Variants in DEFB123 observed in about 807,000 individuals in gnomAD.
DEFB123 encodes the protein beta-defensin 123.
For missense variants in DEFB123, 71 were observed against 75.0 expected, an observed-to-expected ratio of 0.95 and a Z score of 0.20; for synonymous variants, 22 against 28.3, an observed-to-expected ratio of 0.78 and a Z score of 0.71.
intron 1 of DEFB123, among the ~76,000 whole-genome samples, chr20:31,443,657 A>C (rs1388424585): frequency 6.6e-6 from 1 of 152,222 alleles, no homozygotes; most frequent in African/African-American, 2.4e-5. Context: ...AGCAGGAGAC[A>C]CACGAAAGGC....
At chr20:31,444,573 A>G (rs1436348123) in intron 1 of DEFB123, among the ~76,000 whole-genome samples, 5 of 152,226 alleles carry the variant, frequency 3.3e-5, no homozygotes, top group African/African-American at 9.6e-5. Context: ...TAGGCTCCAC[A>G]GATGCTAAAA....
chr20:31,448,106 A>G (rs1238935961), intron 1 of DEFB123, among the ~76,000 whole-genome samples: 3 of 151,204 alleles, frequency 2.0e-5, no homozygotes, highest in Admixed American at 2.0e-4. Flanking sequence ...ATTTTTTTGG[A>G]GAGACAGGGT....
At chr20:31,443,884 C>A (rs1157014084) in intron 1 of DEFB123, among the ~76,000 whole-genome samples, 2 of 152,184 alleles carry the variant, frequency 1.3e-5, no homozygotes, top group African/African-American at 4.8e-5. Context: ...GGACCCTCAG[C>A]CTTAGCCTCC....
intron 1 of DEFB123, among the ~76,000 whole-genome samples, chr20:31,448,814 C>T (rs994939998): frequency 8.6e-5 from 13 of 151,734 alleles, no homozygotes; most frequent in Non-Finnish European, 1.9e-4. Context: ...CAGGTTCAAG[C>T]GATTCTCCTG....
At chr20:31,449,473 G>T (rs921013619) in intron 1 of DEFB123, among the ~76,000 whole-genome samples, 3 of 152,120 alleles carry the variant, frequency 2.0e-5, no homozygotes, top group African/African-American at 7.2e-5. Flanking sequence ...ACTCAGGCAG[G>T]TGGAAACACA....
intron 1 of DEFB123, among the ~76,000 whole-genome samples, chr20:31,449,461 C>T (rs566049834): frequency 2.0e-4 from 30 of 152,062 alleles, no homozygotes; most frequent in Non-Finnish European, 4.0e-4. Flanking sequence ...CAGGGTCTTT[C>T]CACTCAGGCA....
chr20:31,450,189 G>A lies in DEFB123; in HGVS notation c.*15G>A, dbSNP rs769336363. On this transcript the variant is annotated 3_prime_UTR_variant, in exon 2 of 2. Transcript: ENST00000376309. ...GGCCATTTTAACTGCTTTGAAGCCT[G>A]AAGCCATGAAAATGCAGATGAAGCT... The A allele has an allele frequency of 1.3e-6, 2 of 1,591,524 alleles. No homozygotes were observed. Among genetic ancestry groups the A allele is most frequent in the Non-Finnish European group, 8.5e-7 (1 of 1,171,712 alleles).
rs1600555458 is a variant in DEFB123, at chr20:31,450,082, A to G, written c.112A>G (p.Lys38Glu). Reference protein sequence around the residue: ...LYGKCRYRCSKKERVYVYCIN... With the variant: ...LYGKCRYRCSEKERVYVYCIN... ...TGGCAAATGCCGTTACAGATGCTCC[A>G]AGAAGGAAAGAGTCTATGTTTACTG... is the stretch of plus-strand genomic sequence containing the variant. The change falls in exon 2 of 2, where the codon AAG (lysine) becomes GAG (glutamate). Residue 38 changes from lysine (K) to glutamate (E), a missense_variant. By Grantham distance (56) the Lys-to-Glu change is moderately conservative. Coordinates refer to ENST00000376309, the MANE Select transcript of DEFB123 (RefSeq NM_153324.4). 1 of 1,612,816 alleles carries G rather than the reference A, an allele frequency of 6.2e-7. No individual in the cohort carries two copies.
chr20:31,441,447 G>A (rs140154464), intron 1 of DEFB123, among the ~76,000 whole-genome samples: 7 of 152,290 alleles, frequency 4.6e-5, no homozygotes, highest in East Asian at 3.9e-4. Flanking sequence ...GGTTGGATGC[G>A]GGAGAGAGCA....
chr20:31,447,880 G>A (rs967930880), intron 1 of DEFB123, among the ~76,000 whole-genome samples: 13 of 137,180 alleles, frequency 9.5e-5, no homozygotes, highest in Non-Finnish European at 9.1e-5. Flanking sequence ...TCTGCCTCCC[G>A]GGTTCACGCC....
chr20:31,448,741 C>T (rs867827430), intron 1 of DEFB123, among the ~76,000 whole-genome samples: 4 of 151,940 alleles, frequency 2.6e-5, no homozygotes, highest in Middle Eastern at 3.4e-3. Context: ...GACAGAGTTT[C>T]GCTCTTGTTG....
At chr20:31,447,012 C>G (rs539207735) in intron 1 of DEFB123, among the ~76,000 whole-genome samples, 1 of 150,590 alleles carries the variant, frequency 6.6e-6, no homozygotes, top group South Asian at 2.1e-4. Flanking sequence ...CCTGTAATCC[C>G]AGCACTTTGG....
chr20:31,450,131 T>C lies in DEFB123; in HGVS notation c.161T>C (p.Val54Ala). Residue 54 changes from valine (V) to alanine (A), a missense_variant, in exon 2 of 2, where the codon GTG becomes GCG. Physicochemically the swap from Val to Ala is moderately conservative, Grantham distance 64 (BLOSUM62 0). Coordinates refer to ENST00000376309, the MANE Select transcript of DEFB123 (RefSeq NM_153324.4). ...VYCINNKMCC[V>A]KPKYQPKERW... ...TGCATAAATAATAAAATGTGCTGCG[T>C]GAAGCCCAAGTACCAGCCAAAAGAA... is the stretch of plus-strand genomic sequence containing the variant. 2 of 1,611,998 alleles carry C rather than the reference T, an allele frequency of 1.2e-6. No homozygotes were observed. Among genetic ancestry groups the C allele is most frequent in the Non-Finnish European group, 1.7e-6 (2 of 1,179,166 alleles).
intron 1 of DEFB123, among the ~76,000 whole-genome samples, chr20:31,442,588 G>T (rs184511663): frequency 1.4e-5 from 2 of 147,036 alleles, no homozygotes; most frequent in Admixed American, 6.8e-5. Flanking sequence ...GAAGGGGAAG[G>T]TCATTTGCTT....
intron 1 of DEFB123, among the ~76,000 whole-genome samples, chr20:31,443,948 G>A (rs948318969): frequency 2.6e-5 from 4 of 152,144 alleles, no homozygotes; most frequent in Non-Finnish European, 4.4e-5. Context: ...ATCTAATAAT[G>A]TATAAAGGAG....
intron 1 of DEFB123, among the ~76,000 whole-genome samples, chr20:31,448,860 T>G (rs1390231920): frequency 6.6e-6 from 1 of 150,712 alleles, no homozygotes; most frequent in African/African-American, 2.4e-5. Flanking sequence ...TACAGGCATG[T>G]GCCACCACGC....
At position 31,450,161 on chromosome 20, in the gene DEFB123, G is replaced by C. The variant is rs376954599; in HGVS notation, c.191G>C (p.Trp64Ser). 166 of 1,603,834 alleles carry C rather than the reference G, an allele frequency of 1.0e-4. No homozygotes were observed. The highest frequency in any genetic ancestry group is 1.4e-4 in the Non-Finnish European group (163 of 1,176,422). ...VKPKYQPKER[W>S]WPF is the part of the protein sequence containing the mutation. ...CCCAAGTACCAGCCAAAAGAAAGGT[G>C]GTGGCCATTTTAACTGCTTTGAAGC... The change falls in exon 2 of 2, where the codon TGG becomes TCG. Residue 64 changes from tryptophan (W) to serine (S), a missense_variant. Physicochemically the swap from Trp to Ser is radical, Grantham distance 177. Transcript: ENST00000376309.
intron 1 of DEFB123, among the ~76,000 whole-genome samples, chr20:31,441,178 C>A (rs1171501935): frequency 2.0e-5 from 3 of 152,222 alleles, no homozygotes; most frequent in Admixed American, 6.5e-5. Flanking sequence ...GCGCTGGAAG[C>A]TAGGACCACG....
intron 1 of DEFB123, 118 bp from the exon 2 acceptor site, chr20:31,449,911 A>T: frequency 3.1e-6 from 4 of 1,279,856 alleles, no homozygotes; most frequent in Non-Finnish European, 4.2e-6. Flanking sequence ...AAAGAGTCAA[A>T]GGCAAGGGAA....
Sources: gnomAD v4.1 joint callset for allele counts (sites outside exome capture counted in the v4.1 genomes callset) on GRCh38, gnomAD v4.1.1 for gene constraint, MANE v1.5 for transcripts, NCBI Gene and HGNC (gene_info 2026-07-23, HGNC 2026-07-21) for gene names.